The following COL4A1 variants were observed in gnomAD, a reference collection of about 807,000 sequenced individuals.
The protein encoded by COL4A1 is collagen type IV alpha 1 chain.
COL4A1 carries 40 observed loss-of-function variants against 216.6 expected under a neutral mutation model. The ratio of observed to expected loss-of-function variants is 0.18; its 90% confidence interval spans 0.14 to 0.24. COL4A1 has a LOEUF of 0.24. Among genes scored for constraint, COL4A1 ranks in the 10% least tolerant of loss-of-function variants. The probability of loss-of-function intolerance (pLI) is 1.00; values close to 1 mark genes in which losing one functional copy is unlikely to be tolerated. For synonymous variants in COL4A1, 839 were observed against 810.7 expected, an observed-to-expected ratio of 1.03 and a Z score of -0.59; for missense variants, 1,628 against 2,196.8, an observed-to-expected ratio of 0.74 and a Z score of 5.18.
chr13:110,272,872 C>T (rs2139291424), intron 1 of COL4A1, among the ~76,000 whole-genome samples: 1 of 152,286 alleles, frequency 6.6e-6, no homozygotes, highest in Middle Eastern at 3.4e-3. Flanking sequence ...CACCTGTCAC[C>T]ATCAATAAGG....
At chr13:110,276,785 A>C (rs1883448052) in intron 1 of COL4A1, among the ~76,000 whole-genome samples, 1 of 152,234 alleles carries the variant, frequency 6.6e-6, no homozygotes, top group South Asian at 2.1e-4. Context: ...AACACAGTTC[A>C]AAACTCTGCA....
chr13:110,301,018 C>T (rs1884469641), intron 1 of COL4A1, among the ~76,000 whole-genome samples: 1 of 152,186 alleles, frequency 6.6e-6, no homozygotes, highest in African/African-American at 2.4e-5. Flanking sequence ...AAAGCTTCCA[C>T]AGAGAAAATT....
chr13:110,210,453 C>T (rs955003278), intron 8 of COL4A1, among the ~76,000 whole-genome samples: 13 of 151,904 alleles, frequency 8.6e-5, no homozygotes, highest in East Asian at 1.9e-4. Context: ...AATGTAGAGA[C>T]GGCAAAGCAA....
Position 110,174,533 on chromosome 13 carries a change from A to G in COL4A1, c.3326-7T>C, listed in dbSNP as rs1315763400. ...CCAGGTAGCCCAGGACTTCCTAAAG[A>G]AAAAAACAAAACACCAGAACATCCA... is the stretch of plus-strand genomic sequence containing the variant. On this transcript the variant is annotated splice_polypyrimidine_tract_variant and splice_region_variant and intron_variant, in intron 38 of 51. Transcript: ENST00000375820. 4 of 1,613,274 alleles carry G rather than the reference A, an allele frequency of 2.5e-6. No homozygotes were observed. The highest frequency in any genetic ancestry group is 3.4e-6 in the Non-Finnish European group (4 of 1,179,510).
chr13:110,183,165 G>A lies in COL4A1; in HGVS notation c.1990+19C>T, dbSNP rs1878253637. ...GGAAACTCTCGTGGTATCCCGGTGA[G>A]CTGGAATTCCAATCGTACCTTGGGG... On this transcript the variant is annotated intron_variant, in intron 27 of 51. Transcript: ENST00000375820. 6.2e-7 allele frequency: 1 copy of A among 1,613,426 alleles called. No individual in the cohort carries two copies. Among genetic ancestry groups the A allele is most frequent in the Non-Finnish European group, 8.5e-7 (1 of 1,179,626 alleles).
intron 2 of COL4A1, among the ~76,000 whole-genome samples, chr13:110,217,043 T>C (rs1269210032): frequency 6.6e-6 from 1 of 152,252 alleles, no homozygotes; most frequent in Admixed American, 6.5e-5. Context: ...TCCATGGACA[T>C]GGTTCTTGCC....
chr13:110,177,789 T>C, intron 33 of COL4A1, 53 bp downstream of exon 33: 2 of 1,568,668 alleles, frequency 1.3e-6, no homozygotes, highest in East Asian at 4.5e-5. Flanking sequence ...ATTTCCCAAG[T>C]GGCATCGAGA....
At chr13:110,276,365 G>T (rs187855951) in intron 1 of COL4A1, among the ~76,000 whole-genome samples, 17 of 152,258 alleles carry the variant, frequency 1.1e-4, no homozygotes, top group Non-Finnish European at 7.3e-5. Context: ...TTCCAGCACT[G>T]GTTCAATAAA....
chr13:110,212,107 A>G (rs1879829860), intron 6 of COL4A1, among the ~76,000 whole-genome samples, 185 bp from the exon 7 acceptor site: 1 of 152,224 alleles, frequency 6.6e-6, no homozygotes, highest in African/African-American at 2.4e-5. Flanking sequence ...TGATAGTATC[A>G]TTAATAGGGA....
intron 1 of COL4A1, among the ~76,000 whole-genome samples, chr13:110,292,158 T>G (rs1261207867): frequency 6.6e-6 from 1 of 152,238 alleles, no homozygotes; most frequent in African/African-American, 2.4e-5. Context: ...TCTATTCTTA[T>G]CTACTGCCAA....
chr13:110,248,453 G>T (rs1403937290), intron 1 of COL4A1, among the ~76,000 whole-genome samples: 1 of 152,182 alleles, frequency 6.6e-6, no homozygotes, highest in Non-Finnish European at 1.5e-5. Flanking sequence ...GGGGCGCACT[G>T]GTACGTTGCT....
In COL4A1 at chr13:110,164,974, A is replaced by G. The variant is rs372556002; in HGVS notation, c.4038T>C (p.Pro1346=). The change falls in exon 46 of 52, where the codon CCT becomes CCC. Residue 1346 remains proline, a synonymous_variant. Transcript: ENST00000375820. ...VPGAKGLPGP[P]GPPGPYDIIK... ...TGATGTCGTAAGGACCTGGGGGGCCAGGAGGACCCGGGAGACCTGTGGGAA... is the reference window on the plus strand; with the variant it reads ...TGATGTCGTAAGGACCTGGGGGGCCGGGAGGACCCGGGAGACCTGTGGGAA... 4.7e-5 allele frequency: 76 copies of G among 1,605,124 alleles called. No homozygotes were observed. The highest frequency in any genetic ancestry group is 6.1e-5 in the Non-Finnish European group (72 of 1,176,456).
intron 2 of COL4A1, among the ~76,000 whole-genome samples, chr13:110,232,889 A>G (rs1881130861): frequency 6.6e-6 from 1 of 152,110 alleles, no homozygotes; most frequent in Non-Finnish European, 1.5e-5. Flanking sequence ...GTCTCTCCTG[A>G]GTCTAACAGG....
At chr13:110,155,972 A>G (rs1876768486) in intron 49 of COL4A1, among the ~76,000 whole-genome samples, 1 of 152,134 alleles carries the variant, frequency 6.6e-6, no homozygotes, top group African/African-American at 2.4e-5. Flanking sequence ...AGGCTGAGGC[A>G]GGACTGCCTG....
chr13:110,208,783 G>A (rs1270634460), intron 12 of COL4A1, 66 bp downstream of exon 12: 6 of 1,430,568 alleles, frequency 4.2e-6, no homozygotes, highest in African/African-American at 1.4e-5. Flanking sequence ...TGATCCAAAG[G>A]TGGGAACTGT....
chr13:110,259,936 A>G (rs1882747009), intron 1 of COL4A1, among the ~76,000 whole-genome samples: 1 of 152,250 alleles, frequency 6.6e-6, no homozygotes, highest in African/African-American at 2.4e-5. Context: ...TTCCTTCTTT[A>G]CGTAATGGAT....
At chr13:110,293,020 C>T (rs1333980817) in intron 1 of COL4A1, among the ~76,000 whole-genome samples, 2 of 152,124 alleles carry the variant, frequency 1.3e-5, no homozygotes, top group Admixed American at 1.3e-4. Flanking sequence ...AATCTCAATT[C>T]CCACCTACAC....
Position 110,211,861 on chromosome 13 carries a change from C to T in COL4A1, c.441+8G>A, listed in dbSNP as rs754994802. Reference sequence around the variant, plus strand: ...AAAGAAGTTCTGCCCTAAATAACCTCTACTCACGGGATTTCCAGCGAAACC... The same window carrying T: ...AAAGAAGTTCTGCCCTAAATAACCTTTACTCACGGGATTTCCAGCGAAACC... On this transcript the variant is annotated splice_region_variant and intron_variant, in intron 7 of 51. Coordinates refer to ENST00000375820, the MANE Select transcript of COL4A1 (RefSeq NM_001845.6). This position sits in a 1 kb window ranked among gnomAD's most constrained non-coding sequence, Gnocchi z 4.3. 3.1e-6 allele frequency: 5 copies of T among 1,614,120 alleles called. No individual in the cohort carries two copies. In the South Asian group the frequency reaches 5.5e-5, roughly 18 times the overall value.
Position 110,252,683 on chromosome 13 carries a change from TA to T in COL4A1, c.85-9950del, listed in dbSNP as rs1882192046. Among the ~76,000 whole-genome samples the T allele has an allele frequency of 1.4e-5, 2 of 143,062 alleles. 1 individual carries two copies. Among genetic ancestry groups the T allele is most frequent in the Admixed American group, 1.4e-4 (2 of 14,062 alleles). The allele number at this position is 143,062 out of a possible 152,430, so 93.9% of individuals were successfully genotyped here. On this transcript the variant is annotated intron_variant, in intron 1 of 51. Transcript: ENST00000375820. ...TATGTATATATACATATAATATGTA[TA>T]TATACATATAATTATATGTATATAT...
Sources: gnomAD v4.1 joint callset for allele counts (sites outside exome capture counted in the v4.1 genomes callset) on GRCh38, gnomAD v4.1.1 for gene constraint, Gnocchi (gnomAD v3.1) non-coding constraint, MANE v1.5 for transcripts, NCBI Gene and HGNC (gene_info 2026-07-23, HGNC 2026-07-21) for gene names.